Variants in ME3 observed in about 807,000 individuals in gnomAD.
The protein encoded by ME3 is NADP-dependent malic enzyme, mitochondrial.
In ME3, 48 loss-of-function variants were observed where a neutral mutation model predicts 68.9. The observed-to-expected ratio is 0.70, with a 90% CI of 0.55 to 0.89. The LOEUF is 0.89. ME3 is among the 40% of genes least tolerant of loss of function. The probability of loss-of-function intolerance (pLI) is 0.00; values close to 1 mark genes in which losing one functional copy is unlikely to be tolerated. For synonymous variants in ME3, 320 were observed against 318.8 expected, an observed-to-expected ratio of 1.00 and a Z score of -0.04; for missense variants, 675 against 797.4, an observed-to-expected ratio of 0.85 and a Z score of 1.85.
intron 2 of ME3, among the ~76,000 whole-genome samples, chr11:86,649,097 C>T (rs1305181675): frequency 6.6e-6 from 1 of 152,180 alleles, no homozygotes; most frequent in African/African-American, 2.4e-5. Context: ...TCCAGCAGCA[C>T]ATTAAAAAGC....
At chr11:86,549,552 C>G (rs1352381126) in intron 4 of ME3, among the ~76,000 whole-genome samples, 1 of 152,184 alleles carries the variant, frequency 6.6e-6, no homozygotes, top group Admixed American at 6.5e-5. Context: ...ATTAACTGGT[C>G]CAGTGTATCT....
chr11:86,481,208 ATTTTTT>A (rs71040240), intron 7 of ME3, among the ~76,000 whole-genome samples: 18 of 105,880 alleles, frequency 1.7e-4, no homozygotes, highest in Admixed American at 2.1e-4. Context: ...CACCCAGCTG[ATTTTTT>A]TTTTTTTTTT....
chr11:86,667,766 G>A (rs1946671978), intron 2 of ME3: 1 of 152,130 alleles, frequency 6.6e-6, no homozygotes, highest in Admixed American at 6.6e-5. Flanking sequence ...ATAGGTAAAT[G>A]GAGGTCAGAA....
chr11:86,652,078 G>C (rs1245257105), intron 2 of ME3, among the ~76,000 whole-genome samples: 1 of 152,216 alleles, frequency 6.6e-6, no homozygotes, highest in African/African-American at 2.4e-5. Context: ...AACCCTCCAA[G>C]AAATATGGGA....
intron 8 of ME3, chr11:86,464,205 T>G (rs1294764686): frequency 2.7e-6 from 1 of 365,256 alleles, no homozygotes; most frequent in Non-Finnish European, 5.4e-6. Context: ...TCTTTCCACC[T>G]GACATGGATC....
At chr11:86,478,911 G>C (rs1014761076) in intron 7 of ME3, among the ~76,000 whole-genome samples, 8 of 152,082 alleles carry the variant, frequency 5.3e-5, no homozygotes, top group Non-Finnish European at 1.2e-4. Context: ...ATGACCTTCT[G>C]CCTGGATTGC....
chr11:86,548,982 C>G (rs1277720243), intron 4 of ME3, among the ~76,000 whole-genome samples: 2 of 152,242 alleles, frequency 1.3e-5, no homozygotes, highest in Non-Finnish European at 2.9e-5. Flanking sequence ...CCAGAAGCAT[C>G]AACATCACCT....
chr11:86,611,480 A>G (rs1426475665), intron 2 of ME3, among the ~76,000 whole-genome samples: 1 of 151,976 alleles, frequency 6.6e-6, no homozygotes, highest in East Asian at 1.9e-4. Flanking sequence ...GGTGATAGAT[A>G]TGTTAATTCG....
At chr11:86,529,618 G>A (rs1462759402) in intron 4 of ME3, among the ~76,000 whole-genome samples, 2 of 152,202 alleles carry the variant, frequency 1.3e-5, no homozygotes, top group Non-Finnish European at 2.9e-5. Flanking sequence ...ATAAAATACT[G>A]GCAAACTGAA....
intron 2 of ME3, among the ~76,000 whole-genome samples, chr11:86,602,343 T>C (rs1232564790): frequency 6.6e-6 from 1 of 151,504 alleles, no homozygotes; most frequent in African/African-American, 2.4e-5. Flanking sequence ...GTGAGTCAAC[T>C]CCCATTCACA....
chr11:86,639,714 T>TA (rs1944549935), intron 2 of ME3, among the ~76,000 whole-genome samples: 1 of 152,250 alleles, frequency 6.6e-6, no homozygotes, highest in Non-Finnish European at 1.5e-5. Context: ...ACTGAGATGC[T>TA]AAATGGAGTA....
rs762002375 is a variant in ME3 at position 86,594,158 on chromosome 11, G to T, written c.184-34335C>A. Among the ~76,000 whole-genome samples, 8 of 146,724 alleles carry T rather than the reference G, an allele frequency of 5.5e-5. 3 individuals are homozygous for T. Among genetic ancestry groups the T allele is most frequent in the African/African-American group, 2.0e-4 (8 of 39,956 alleles). On this transcript the variant is annotated intron_variant, in intron 2 of 14. Coordinates refer to ENST00000543262, the Ensembl canonical transcript of ME3. ...TATCAACAGTTTTAAGTATCTGTAC[G>T]CATACTGTCAAATCACTTTTAGAAA...
intron 6 of ME3, among the ~76,000 whole-genome samples, chr11:86,494,598 C>T (rs548872727): frequency 6.6e-6 from 1 of 152,222 alleles, no homozygotes; most frequent in Non-Finnish European, 1.5e-5. Context: ...ACATAAGGAT[C>T]AGACCCAGGG....
intron 4 of ME3, among the ~76,000 whole-genome samples, chr11:86,527,761 C>G (rs189383430): frequency 2.6e-5 from 4 of 152,290 alleles, no homozygotes; most frequent in African/African-American, 9.6e-5. Flanking sequence ...AAACTAGCTT[C>G]ATAAGTGAAG....
At chr11:86,497,024 C>G (rs796843803) in intron 6 of ME3, among the ~76,000 whole-genome samples, 1 of 152,144 alleles carries the variant, frequency 6.6e-6, no homozygotes, top group Non-Finnish European at 1.5e-5. Flanking sequence ...CTGTGTCACC[C>G]AGGCTGGAGT....
rs373716016 is a variant in ME3 at position 86,442,933 on chromosome 11, G to C, written c.1555-14C>G. The C allele has an allele frequency of 5.0e-6, 8 of 1,592,950 alleles. No homozygotes were observed. Among genetic ancestry groups the C allele is most frequent in the Non-Finnish European group, 6.9e-6 (8 of 1,161,698 alleles). On this transcript the variant is annotated splice_polypyrimidine_tract_variant and intron_variant, in intron 13 of 14. Coordinates refer to ENST00000543262, the Ensembl canonical transcript of ME3. ...CTGGGCAATTTGCTGGGGAGAAGGA[G>C]AGAACCGAGAGGAATAAGCTGAGTC... is the stretch of plus-strand genomic sequence containing the variant.
chr11:86,517,563 G>A (rs1953976050), intron 4 of ME3, among the ~76,000 whole-genome samples: 1 of 152,144 alleles, frequency 6.6e-6, no homozygotes, highest in Non-Finnish European at 1.5e-5. Flanking sequence ...TCTGATTAAA[G>A]TAGAAGTGAG....
intron 4 of ME3, among the ~76,000 whole-genome samples, chr11:86,546,319 C>G (rs1325091503): frequency 1.3e-5 from 2 of 152,170 alleles, no homozygotes; most frequent in African/African-American, 4.8e-5. Context: ...TAACTGTGAT[C>G]TAATTAAACT....
chr11:86,601,495 T>A (rs1389062500), intron 2 of ME3, among the ~76,000 whole-genome samples: 1 of 152,094 alleles, frequency 6.6e-6, no homozygotes, highest in African/African-American at 2.4e-5. Context: ...CAGGACCAGA[T>A]GGATTCACAG....
Sources: allele counts gnomAD v4.1 joint callset (sites outside exome capture counted in the v4.1 genomes callset), GRCh38; gene constraint gnomAD v4.1.1; transcripts MANE v1.5; gene names NCBI Gene and HGNC (gene_info 2026-07-23, HGNC 2026-07-21).